Variants in WDR35 observed in about 807,000 individuals in gnomAD.
WDR35 encodes WD repeat-containing protein 35.
WDR35 carries 118 observed loss-of-function variants against 158.3 expected under a neutral mutation model. The ratio of observed to expected loss-of-function variants is 0.75; its 90% CI spans 0.64 to 0.87. The LOEUF (loss-of-function observed/expected upper bound fraction) is 0.87, where lower values mean the gene tolerates loss of function less well. WDR35 is among the 40% of genes least tolerant of loss of function. WDR35 has a pLI of 0.00. For synonymous variants in WDR35, 448 were observed against 476.1 expected (o/e 0.94, Z 0.77); for missense variants, 1,263 against 1,405.8 (o/e 0.90, Z 1.62).
At chr2:19,932,851 G>T (rs1374389805) in intron 22 of WDR35, among the ~76,000 whole-genome samples, 3 of 151,968 alleles carry the variant, frequency 2.0e-5, no homozygotes, top group Non-Finnish European at 2.9e-5. Flanking sequence ...AGCAAAAGGG[G>T]TTTTAAAAAA....
chr2:19,976,688 C>CTT (rs34211947), intron 5 of WDR35, among the ~76,000 whole-genome samples: 117 of 139,426 alleles, frequency 8.4e-4, no homozygotes, highest in African/African-American at 2.9e-3. Flanking sequence ...CCAATTGATA[C>CTT]TTTTTTTTTT....
chr2:19,948,153 G>A lies in WDR35; in HGVS notation c.1524+11C>T. 1.9e-6 allele frequency: 3 copies of A among 1,601,348 alleles called. No individual in the cohort carries two copies. Among genetic ancestry groups the A allele is most frequent in the Non-Finnish European group, 2.6e-6 (3 of 1,173,792 alleles). ...ATTATTATTCATAAAATAAGTTTTT[G>A]CAAAACTTACCACAATCAATATCTT... On this transcript the variant is annotated intron_variant, in intron 14 of 26. Transcript: ENST00000281405.
intron 10 of WDR35, among the ~76,000 whole-genome samples, chr2:19,961,492 G>A (rs984346743): frequency 2.0e-5 from 3 of 152,182 alleles, no homozygotes; most frequent in African/African-American, 7.2e-5. Context: ...GCTGCACACA[G>A]GAGCAGAGCA....
At chr2:19,948,695 G>A (rs886688522) in intron 13 of WDR35, among the ~76,000 whole-genome samples, 12 of 152,306 alleles carry the variant, frequency 7.9e-5, no homozygotes, top group Admixed American at 5.2e-4. Context: ...CTCAAAAGGT[G>A]ACATACTATA....
chr2:19,937,005 C>A (rs1356515374), intron 19 of WDR35, among the ~76,000 whole-genome samples: 1 of 152,120 alleles, frequency 6.6e-6, no homozygotes, highest in African/African-American at 2.4e-5. Context: ...TCAGCAATTT[C>A]TTAGATGTGA....
intron 11 of WDR35, among the ~76,000 whole-genome samples, chr2:19,959,259 T>C (rs1049878683): frequency 6.6e-6 from 1 of 152,124 alleles, no homozygotes; most frequent in Non-Finnish European, 1.5e-5. Context: ...AACAGTCTAC[T>C]TGTGATAAAA....
At chr2:19,925,500 G>A (rs968971975) in intron 25 of WDR35, among the ~76,000 whole-genome samples, 5 of 152,230 alleles carry the variant, frequency 3.3e-5, no homozygotes, top group Non-Finnish European at 7.3e-5. Flanking sequence ...AGGTTTGGTA[G>A]ATACAGGAGC....
intron 4 of WDR35, among the ~76,000 whole-genome samples, chr2:19,979,546 T>C (rs778894646): frequency 2.0e-5 from 3 of 152,140 alleles, no homozygotes; most frequent in Non-Finnish European, 4.4e-5. Context: ...ATAACCAAAC[T>C]AGAAGCAAAA....
chr2:19,972,289 A>T (rs1672056024), intron 8 of WDR35, among the ~76,000 whole-genome samples: 1 of 152,226 alleles, frequency 6.6e-6, no homozygotes. Flanking sequence ...AGATACTTTT[A>T]GTTACAGCTA....
In WDR35 at chr2:19,938,375, GT is replaced by G; in HGVS notation, c.1952del (p.Tyr651SerfsTer2). The G allele has an allele frequency of 6.2e-7, 1 of 1,613,762 alleles. No individual in the cohort carries two copies. The highest frequency in any genetic ancestry group is 8.5e-7 in the Non-Finnish European group (1 of 1,179,940). On this transcript the variant is annotated frameshift_variant, in exon 18 of 27. Coordinates refer to ENST00000281405, the MANE Select transcript of WDR35 (RefSeq NM_020779.4). LOFTEE classifies it high-confidence loss of function. ...LKDPEHPNKD[Y>X]LINFEIRSLR... ...GAGACCGAATCTCAAAGTTAATTAG[GT>G]AATCCTTGTTTGGATGTTCTGGATC...
chr2:19,930,360 T>C, intron 25 of WDR35, 36 bp downstream of exon 25: 1 of 1,613,994 alleles, frequency 6.2e-7, no homozygotes, highest in Non-Finnish European at 8.5e-7. Context: ...ATTTATAATT[T>C]TCAGACATAC....
At position 19,960,611 on chromosome 2, in the gene WDR35, C is replaced by T. The variant is rs780723420; in HGVS notation, c.1198G>A (p.Val400Ile). 4 of 1,607,570 alleles carry T rather than the reference C, an allele frequency of 2.5e-6. No homozygotes were observed. Among genetic ancestry groups the T allele is most frequent in the South Asian group, 2.2e-5 (2 of 90,778 alleles). Residue 400 changes from valine to isoleucine, a missense_variant, in exon 11 of 27, where the codon GTA (valine) becomes ATA (isoleucine). By Grantham distance (29) the Val-to-Ile change is conservative (BLOSUM62 3). Transcript: ENST00000281405. ...CCAATAGAATTACAAAGAACTAGTA[C>T]AAACTGTGAACAAATAAAACAAAAA... ...TKADENHPQF[V>I]LVLCNSIGTP...
chr2:19,930,391 C>A lies in WDR35; in HGVS notation c.3121+5G>T. On this transcript the variant is annotated splice_donor_5th_base_variant and intron_variant, in intron 25 of 26. Coordinates refer to ENST00000281405, the MANE Select transcript of WDR35 (RefSeq NM_020779.4). Reference sequence around the variant, plus strand: ...CATACTATACACATTAGGTGACATGCCCACCTGTCTTCAGTGCAGTGTCCA... The same window carrying A: ...CATACTATACACATTAGGTGACATGACCACCTGTCTTCAGTGCAGTGTCCA... 1 of 1,614,078 alleles carries A rather than the reference C, an allele frequency of 6.2e-7. No homozygotes were observed. The highest frequency in any genetic ancestry group is 8.5e-7 in the Non-Finnish European group (1 of 1,179,992).
chr2:19,969,108 T>C (rs1474703681), intron 9 of WDR35, among the ~76,000 whole-genome samples: 1 of 152,210 alleles, frequency 6.6e-6, no homozygotes, highest in Non-Finnish European at 1.5e-5. Flanking sequence ...TCCAGGAGCC[T>C]GACTCCCTTG....
At chr2:19,954,891 C>G (rs1021176914) in intron 11 of WDR35, among the ~76,000 whole-genome samples, 4 of 152,128 alleles carry the variant, frequency 2.6e-5, no homozygotes, top group Non-Finnish European at 5.9e-5. Context: ...AAAGTAGAAA[C>G]AACTCAAACA....
In WDR35 at chr2:19,926,538, A is replaced by G. The variant is rs181438594; in HGVS notation, c.3121+3858T>C. Among the ~76,000 whole-genome samples, 1,222 of 152,374 alleles carry G rather than the reference A, an allele frequency of 8.0e-3. 25 individuals are homozygous for G. The highest frequency in any genetic ancestry group is 0.048 in the East Asian group (250 of 5,192). On this transcript the variant is annotated intron_variant, in intron 25 of 26. Coordinates refer to ENST00000281405, the MANE Select transcript of WDR35 (RefSeq NM_020779.4). ...ATTGAAAATGCTCAGTTATGATTTCATACAGATGAACAACTGATGACAAAA... is the reference window on the plus strand; with the variant it reads ...ATTGAAAATGCTCAGTTATGATTTCGTACAGATGAACAACTGATGACAAAA...
rs1261480447 is a variant in WDR35 at position 19,919,388 on chromosome 2, AAAAAAAAAAAG to A, written c.3122-5122_3122-5112del. On this transcript the variant is annotated intron_variant, in intron 25 of 26. Transcript: ENST00000281405. ...AGAGCAAGGCTCCATCTCAAAAAAA[AAAAAAAAAAAG>A]AAAAGAAAAAGAAAAAGAAAAAAAA... is the stretch of plus-strand genomic sequence containing the variant. Among the ~76,000 whole-genome samples, 183 of 148,386 alleles carry A rather than the reference AAAAAAAAAAAG, an allele frequency of 1.2e-3. 1 individual carries two copies. The highest frequency in any genetic ancestry group is 8.0e-4 in the East Asian group (4 of 5,016).
chr2:19,959,919 A>G (rs1306294277), intron 11 of WDR35, among the ~76,000 whole-genome samples: 1 of 152,064 alleles, frequency 6.6e-6, no homozygotes, highest in African/African-American at 2.4e-5. Context: ...CTTGTTAATG[A>G]TTTTTAATAA....
At chr2:19,966,975 A>G in intron 9 of WDR35, 66 bp from the exon 10 acceptor site, 1 of 1,491,934 alleles carries the variant, frequency 6.7e-7, no homozygotes, top group Non-Finnish European at 9.3e-7. Flanking sequence ...AGTATTGGGA[A>G]GGCAAATCAC....
Sources: allele counts gnomAD v4.1 joint callset (sites outside exome capture counted in the v4.1 genomes callset), GRCh38; gene constraint gnomAD v4.1.1; transcripts MANE v1.5; gene names NCBI Gene and HGNC (gene_info 2026-07-23, HGNC 2026-07-21).